ACTN4: variants seen among roughly 807,000 people sequenced by gnomAD.
The protein encoded by ACTN4 is alpha-actinin-4.
Under a neutral mutation model 114.2 loss-of-function variants are expected in ACTN4, and 18 were observed. That is an observed-to-expected ratio of 0.16 (90% CI 0.11 to 0.23). The LOEUF (loss-of-function observed/expected upper bound fraction) is 0.23. Ranked by LOEUF, ACTN4 falls within the 10% of genes least tolerant of loss-of-function variation. The pLI, the probability that ACTN4 is intolerant of heterozygous loss-of-function variation, is 1.00. For missense variants in ACTN4, 722 were observed against 1,262.9 expected (o/e 0.57, Z 6.49); for synonymous variants, 515 against 506.3 (o/e 1.02, Z -0.23).
At chr19:38,648,548 T>C (rs1025638256) in intron 1 of ACTN4, among the ~76,000 whole-genome samples, 5 of 150,806 alleles carry the variant, frequency 3.3e-5, no homozygotes, top group Admixed American at 6.6e-5. Context: ...GAATTGAGCA[T>C]GAAAAGACAT....
At chr19:38,691,156 C>G (rs1967910831) in intron 1 of ACTN4, among the ~76,000 whole-genome samples, 1 of 152,160 alleles carries the variant, frequency 6.6e-6, no homozygotes, top group Non-Finnish European at 1.5e-5. Context: ...TGGCTCACGC[C>G]TGTAATTCCA....
chr19:38,691,420 A>C (rs955389360), intron 1 of ACTN4, among the ~76,000 whole-genome samples: 3 of 134,636 alleles, frequency 2.2e-5, no homozygotes, highest in Admixed American at 7.5e-5. Context: ...AAAAACAAAA[A>C]AAACAAAAAA....
chr19:38,720,800 T>G (rs1280918722), intron 11 of ACTN4, among the ~76,000 whole-genome samples: 1 of 152,206 alleles, frequency 6.6e-6, no homozygotes, highest in Non-Finnish European at 1.5e-5. Flanking sequence ...CCGCTACCAC[T>G]TGGGGGAAGC....
In ACTN4 at chr19:38,714,466, C is replaced by T. The variant is rs780688495; in HGVS notation, c.820-3C>T. 1 of 1,613,664 alleles carries T rather than the reference C, an allele frequency of 6.2e-7. No individual in the cohort carries two copies. The highest frequency in any genetic ancestry group is 8.5e-7 in the Non-Finnish European group (1 of 1,179,998). On this transcript the variant is annotated splice_polypyrimidine_tract_variant and splice_region_variant and intron_variant, in intron 8 of 20. Coordinates refer to ENST00000252699, the MANE Select transcript of ACTN4 (RefSeq NM_004924.6). ...GCAGCCCTGACTGTGTGCTCCCCTC[C>T]AGGCTGAAACTGCCGCCAACCGGAT... is the stretch of plus-strand genomic sequence containing the variant.
chr19:38,670,067 A>T (rs1411465834), intron 1 of ACTN4, among the ~76,000 whole-genome samples: 2 of 152,134 alleles, frequency 1.3e-5, no homozygotes, highest in African/African-American at 4.8e-5. Flanking sequence ...GAGCCAGTGT[A>T]TCTGGTATTT....
At position 38,731,045 on chromosome 19, in the gene ACTN4, G is replaced by A. The variant is rs2145133448; in HGVS notation, c.*1613G>A. The A allele has an allele frequency of 6.4e-7, 1 of 1,557,988 alleles. No individual in the cohort carries two copies. The highest frequency in any genetic ancestry group is 8.7e-7 in the Non-Finnish European group (1 of 1,151,716). On this transcript the variant is annotated 3_prime_UTR_variant, in exon 21 of 21. Coordinates refer to ENST00000252699, the MANE Select transcript of ACTN4 (RefSeq NM_004924.6). Reference sequence around the variant, plus strand: ...TGGCCTGTGCAGAGAGGGGCAGGGTGAGTGCCCACCAGTCCCCGTACCCCT... The same window carrying A: ...TGGCCTGTGCAGAGAGGGGCAGGGTAAGTGCCCACCAGTCCCCGTACCCCT...
chr19:38,673,767 AT>A lies in ACTN4; in HGVS notation c.162+25861del, dbSNP rs1967284742. Among the ~76,000 whole-genome samples the A allele has an allele frequency of 2.5e-5, 3 of 120,170 alleles. No individual in the cohort carries two copies. The East Asian group carries it at 6.7e-4, about 27-fold the overall frequency. 78.8% of individuals were successfully genotyped at this position (120,170 alleles called of 152,430 possible). Reference sequence around the variant, plus strand: ...TATTTATATATATTTTTATATATATATATTTATATATGTATAATTTTTTTTT... The same window carrying A: ...TATTTATATATATTTTTATATATATAATTTATATATGTATAATTTTTTTTT... On this transcript the variant is annotated intron_variant, in intron 1 of 20. Coordinates refer to ENST00000252699, the MANE Select transcript of ACTN4 (RefSeq NM_004924.6).
chr19:38,662,705 C>T (rs1415581504), intron 1 of ACTN4, among the ~76,000 whole-genome samples: 1 of 152,210 alleles, frequency 6.6e-6, no homozygotes, highest in Non-Finnish European at 1.5e-5. Flanking sequence ...GTTTGGGACA[C>T]AGCTGTAAGT....
intron 1 of ACTN4, among the ~76,000 whole-genome samples, chr19:38,694,981 C>G (rs1313379443): frequency 6.6e-6 from 1 of 152,184 alleles, no homozygotes; most frequent in Non-Finnish European, 1.5e-5. Flanking sequence ...CACAAGCTGT[C>G]TTCCCACCTC....
rs760343934 is a variant in ACTN4, at chr19:38,723,683, C to T, written c.1512C>T (p.Ala504=). The change falls in exon 13 of 21, where the codon GCC becomes GCT. Residue 504 remains alanine, a synonymous_variant. Transcript: ENST00000252699. ...AGAAGATCTGTGACCAGTGGGACGCCCTCGGCTCTCTGACACATAGTCGCA... is the reference window on the plus strand; with the variant it reads ...AGAAGATCTGTGACCAGTGGGACGCTCTCGGCTCTCTGACACATAGTCGCA... The part of the protein sequence containing the change: ...RCQKICDQWD[A]LGSLTHSRRE... 32 of 1,613,090 alleles carry T rather than the reference C, an allele frequency of 2.0e-5. No homozygotes were observed. The highest frequency in any genetic ancestry group is 2.7e-5 in the Non-Finnish European group (32 of 1,179,694).
Position 38,721,549 on chromosome 19 carries a change from A to G in ACTN4, c.1303A>G (p.Met435Val), listed in dbSNP as rs1969041933. 6.2e-7 allele frequency: 1 copy of G among 1,613,998 alleles called. No homozygotes were observed. Among genetic ancestry groups the G allele is most frequent in the Non-Finnish European group, 8.5e-7 (1 of 1,180,026 alleles). The change falls in exon 12 of 21, where the codon ATG (methionine) becomes GTG (valine). Residue 435 changes from methionine (M) to valine (V), a missense_variant. Coordinates refer to ENST00000252699, the MANE Select transcript of ACTN4 (RefSeq NM_004924.6). Reference protein sequence around the residue: ...HEAWTDGKEAMLKHRDYETAT... With the variant: ...HEAWTDGKEAVLKHRDYETAT... ...TCTGCTCCTACCAGGGAAGGAAGCC[A>G]TGCTGAAGCACCGGGACTACGAGAC...
chr19:38,693,102 A>G (rs533123463), intron 1 of ACTN4, among the ~76,000 whole-genome samples: 2 of 152,286 alleles, frequency 1.3e-5, no homozygotes, highest in East Asian at 3.9e-4. Context: ...TGGGCAGTGT[A>G]CACGGCAGAA....
chr19:38,658,178 G>A (rs1976767322), intron 1 of ACTN4, among the ~76,000 whole-genome samples: 1 of 152,228 alleles, frequency 6.6e-6, no homozygotes, highest in Non-Finnish European at 1.5e-5. Flanking sequence ...TGATTGTGTT[G>A]ATGAGGAGTG....
chr19:38,684,591 G>A (rs1228854393), intron 1 of ACTN4, among the ~76,000 whole-genome samples: 1 of 152,238 alleles, frequency 6.6e-6, no homozygotes, highest in Non-Finnish European at 1.5e-5. Flanking sequence ...AGGAAGGCTT[G>A]TAGGTGGGGC....
At chr19:38,700,133 A>C (rs943327966) in intron 1 of ACTN4, among the ~76,000 whole-genome samples, 1 of 152,260 alleles carries the variant, frequency 6.6e-6, no homozygotes, top group South Asian at 2.1e-4. Flanking sequence ...GCTGGCCTTC[A>C]TCAAGAAAAC....
At chr19:38,712,522 A>G (rs1434465689) in intron 8 of ACTN4, among the ~76,000 whole-genome samples, 4 of 152,136 alleles carry the variant, frequency 2.6e-5, no homozygotes, top group African/African-American at 9.7e-5. Context: ...AGGGAGCCAC[A>G]GTGGTGGGGA....
chr19:38,728,872 C>T (rs760206335), intron 19 of ACTN4, 124 bp from the exon 20 acceptor site: 52 of 1,227,744 alleles, frequency 4.2e-5, no homozygotes, highest in Admixed American at 2.2e-4. Context: ...GGGAACAGGG[C>T]GCACGCACAC....
chr19:38,711,680 G>C (rs1968657762), intron 8 of ACTN4, among the ~76,000 whole-genome samples: 1 of 152,226 alleles, frequency 6.6e-6, no homozygotes, highest in Admixed American at 6.5e-5. Flanking sequence ...GCTGGGATTT[G>C]ACTGCCCGGC....
At chr19:38,728,048 C>G in intron 19 of ACTN4, 22 bp downstream of exon 19, 1 of 1,594,482 alleles carries the variant, frequency 6.3e-7, no homozygotes, top group Non-Finnish European at 8.5e-7. Flanking sequence ...TGGGCCCCAG[C>G]GGACCATGGC....
Sources: allele counts gnomAD v4.1 joint callset (sites outside exome capture counted in the v4.1 genomes callset), GRCh38; gene constraint gnomAD v4.1.1; transcripts MANE v1.5; gene names NCBI Gene and HGNC (gene_info 2026-07-23, HGNC 2026-07-21).